Variants in AQR observed in about 807,000 individuals in gnomAD.
AQR encodes the protein aquarius intron-binding spliceosomal factor, also known as RNA helicase aquarius.
Under a neutral mutation model 180.5 loss-of-function variants are expected in AQR, and 61 were observed. The observed-to-expected ratio is 0.34, with a 90% CI of 0.28 to 0.42. The LOEUF (loss-of-function observed/expected upper bound fraction) is 0.42. Among genes scored for constraint, AQR ranks in the 10% least tolerant of loss-of-function variants. The pLI is 1.00. For synonymous variants in AQR, 551 were observed against 588.8 expected (o/e 0.94, Z 0.93); for missense variants, 1,281 against 1,798.3 (o/e 0.71, Z 5.20).
In AQR at chr15:34,870,931, C is replaced by T. The variant is rs371818954; in HGVS notation, c.3598-9G>A. On this transcript the variant is annotated splice_polypyrimidine_tract_variant and intron_variant, in intron 30 of 34. Coordinates refer to ENST00000156471, the MANE Select transcript of AQR (RefSeq NM_014691.3). ...TCTGCCTCTCCAAGATTCTGTAATG[C>T]AAACATAATCAGACTGTGCATTCAT... The T allele has an allele frequency of 1.1e-5, 17 of 1,608,344 alleles. No homozygotes were observed. The African/African-American group carries it at 2.3e-4, about 22-fold the overall frequency.
At chr15:34,943,646 T>C (rs1894064177) in intron 6 of AQR, among the ~76,000 whole-genome samples, 1 of 152,156 alleles carries the variant, frequency 6.6e-6, no homozygotes, top group African/African-American at 2.4e-5. Flanking sequence ...GCATTCCTCC[T>C]GCATGGGTGT....
intron 22 of AQR, 42 bp from the exon 23 acceptor site, chr15:34,893,815 C>T: frequency 6.5e-7 from 1 of 1,533,532 alleles, no homozygotes; most frequent in Non-Finnish European, 9.0e-7. Context: ...TAAGTCATCA[C>T]AGTTATCACA....
At position 34,954,346 on chromosome 15, in the gene AQR, C is replaced by G. The variant is rs117048729; in HGVS notation, c.174-1426G>C. The stretch of plus-strand genomic sequence containing the variant: ...TTCTGAGGCAGAGCTTGCTCTATTG[C>G]CCAGGCTAGAGTACAGTGGCACAAA... On this transcript the variant is annotated intron_variant, in intron 3 of 34. Transcript: ENST00000156471. Among the ~76,000 whole-genome samples, 116 of 152,116 alleles carry G rather than the reference C, an allele frequency of 7.6e-4. 1 individual carries two copies. The East Asian group carries it at 0.019, about 25-fold the overall frequency.
At chr15:34,905,240 C>A (rs925893880) in intron 18 of AQR, among the ~76,000 whole-genome samples, 2 of 151,878 alleles carry the variant, frequency 1.3e-5, no homozygotes, top group Admixed American at 6.6e-5. Context: ...AGCAGTTTAG[C>A]AATGATATAA....
At chr15:34,905,759 A>AG (rs1893402140) in intron 18 of AQR, among the ~76,000 whole-genome samples, 1 of 151,968 alleles carries the variant, frequency 6.6e-6, no homozygotes, top group African/African-American at 2.4e-5. Flanking sequence ...GTTTCTTAAA[A>AG]AAAATATGGT....
chr15:34,930,253 A>G lies in AQR; in HGVS notation c.1014+5T>C, dbSNP rs1385146206. 1 of 1,543,984 alleles carries G rather than the reference A, an allele frequency of 6.5e-7. No individual in the cohort carries two copies. Among genetic ancestry groups the G allele is most frequent in the Non-Finnish European group, 8.9e-7 (1 of 1,118,314 alleles). ...CATACACAGTCTATAATGTATTTTA[A>G]TTACCTGTAGAGAAGTAATTCTATC... On this transcript the variant is annotated splice_donor_5th_base_variant and intron_variant, in intron 12 of 34. Transcript: ENST00000156471.
chr15:34,947,507 TAAA>T (rs748885960), intron 5 of AQR, among the ~76,000 whole-genome samples: 48 of 135,060 alleles, frequency 3.6e-4, no homozygotes, highest in African/African-American at 1.1e-3. Context: ...GAATGATCAA[TAAA>T]AAAAATAATA....
intron 5 of AQR, among the ~76,000 whole-genome samples, chr15:34,944,792 T>C (rs1300349950): frequency 6.6e-6 from 1 of 152,232 alleles, no homozygotes; most frequent in East Asian, 1.9e-4. Flanking sequence ...TTAGCAAAAA[T>C]TGTAGTTTTC....
At chr15:34,896,870 A>G (rs779791263) in intron 22 of AQR, 27 bp downstream of exon 22, 2 of 1,589,204 alleles carry the variant, frequency 1.3e-6, no homozygotes, top group South Asian at 1.1e-5. Context: ...CAAACAAACA[A>G]ACAAACAGGT....
chr15:34,957,718 A>C (rs1894341716), intron 3 of AQR, among the ~76,000 whole-genome samples: 1 of 83,536 alleles, frequency 1.2e-5, no homozygotes, highest in South Asian at 5.5e-4. Context: ...ACATAAAAAA[A>C]ACATAAAAAT....
intron 17 of AQR, among the ~76,000 whole-genome samples, chr15:34,908,663 T>C (rs1447872608): frequency 6.6e-6 from 1 of 152,180 alleles, no homozygotes; most frequent in Non-Finnish European, 1.5e-5. Context: ...TACCAGAGGC[T>C]GATGTTTAAA....
intron 12 of AQR, among the ~76,000 whole-genome samples, chr15:34,929,134 G>A (rs1893809976): frequency 6.6e-6 from 1 of 152,152 alleles, no homozygotes. Context: ...CTCCCATTCT[G>A]TAGGTTGCCT....
At chr15:34,896,033 A>T (rs1419205424) in intron 22 of AQR, among the ~76,000 whole-genome samples, 1 of 152,222 alleles carries the variant, frequency 6.6e-6, no homozygotes, top group East Asian at 1.9e-4. Flanking sequence ...ACCAAAATAG[A>T]CTTTGACCAG....
chr15:34,913,306 T>G (rs1418316917), intron 16 of AQR, among the ~76,000 whole-genome samples: 2 of 152,204 alleles, frequency 1.3e-5, no homozygotes, highest in African/African-American at 4.8e-5. Context: ...CTTAAGCACA[T>G]CCTCTCTTAC....
intron 14 of AQR, among the ~76,000 whole-genome samples, chr15:34,919,891 C>T (rs762098921): frequency 7.3e-5 from 11 of 151,048 alleles, no homozygotes; most frequent in Non-Finnish European, 4.4e-5. Context: ...GAGAGAGACT[C>T]GGTATCAAAA....
At chr15:34,896,235 A>C (rs1437429045) in intron 22 of AQR, among the ~76,000 whole-genome samples, 1 of 152,262 alleles carries the variant, frequency 6.6e-6, no homozygotes, top group Non-Finnish European at 1.5e-5. Context: ...TAAGCAATGC[A>C]GAAAACAAGT....
chr15:34,878,827 A>C (rs1401029368), intron 27 of AQR, among the ~76,000 whole-genome samples: 4 of 152,320 alleles, frequency 2.6e-5, no homozygotes, highest in Non-Finnish European at 5.9e-5. Context: ...CAGGAGTTTA[A>C]GACCAACCTG....
chr15:34,964,416 C>A, intron 1 of AQR, 126 bp from the exon 2 acceptor site: 1 of 804,076 alleles, frequency 1.2e-6, no homozygotes, highest in Non-Finnish European at 2.1e-6. Flanking sequence ...CAGAGTATAT[C>A]TGAAGGCACT....
intron 3 of AQR, among the ~76,000 whole-genome samples, chr15:34,956,867 A>C (rs1894327802): frequency 1.3e-5 from 2 of 152,218 alleles, no homozygotes; most frequent in African/African-American, 4.8e-5. Context: ...TAAATGAGCT[A>C]GATGCTTAGA....
Sources: gnomAD v4.1 joint callset for allele counts (sites outside exome capture counted in the v4.1 genomes callset) on GRCh38, gnomAD v4.1.1 for gene constraint, MANE v1.5 for transcripts, NCBI Gene and HGNC (gene_info 2026-07-23, HGNC 2026-07-21) for gene names.